RANBP2: variants seen among roughly 807,000 people sequenced by gnomAD.
RANBP2 encodes the protein RAN binding protein 2.
A neutral mutation model predicts 303.6 loss-of-function variants in RANBP2; 57 were observed. That is an observed-to-expected ratio of 0.19 (90% CI 0.15 to 0.23). The LOEUF is 0.23. Among genes scored for constraint, RANBP2 ranks in the 10% least tolerant of loss-of-function variants. The pLI, the probability that RANBP2 is intolerant of heterozygous loss-of-function variation, is 1.00. For synonymous variants in RANBP2, 1,167 were observed against 1,301.5 expected (o/e 0.90, Z 2.23); for missense variants, 3,138 against 3,780.8 (o/e 0.83, Z 4.46).
At chr2:109,714,416 C>T in the RANBP2 span, among the ~76,000 whole-genome samples, 6 of 151,990 alleles carry the variant, frequency 3.9e-5, no homozygotes, top group Admixed American at 6.6e-5. Flanking sequence ...ATTCTCCTGC[C>T]TTAGCCTCCT....
the RANBP2 span, among the ~76,000 whole-genome samples, chr2:109,548,866 A>G: frequency 6.6e-6 from 1 of 151,900 alleles, no homozygotes. Flanking sequence ...CCAGAGAGCT[A>G]AACTCTGGTC....
the RANBP2 span, chr2:108,846,772 G>A: frequency 7.0e-4 from 1,125 of 1,612,630 alleles, 1 homozygote; most frequent in Non-Finnish European, 9.0e-4. Context: ...AGGAGATTGG[G>A]TGAAGACATT....
the RANBP2 span, among the ~76,000 whole-genome samples, chr2:109,109,600 A>C: frequency 1.3e-5 from 2 of 152,236 alleles, no homozygotes; most frequent in African/African-American, 2.4e-5. Context: ...CAAATGCAAC[A>C]CAGTGCTGAT....
the RANBP2 span, among the ~76,000 whole-genome samples, chr2:109,566,489 C>A: frequency 1.3e-5 from 2 of 152,168 alleles, no homozygotes; most frequent in African/African-American, 4.8e-5. Context: ...GAGGAAATTA[C>A]ACATACACAC....
At chr2:109,097,702 G>T in the RANBP2 span, among the ~76,000 whole-genome samples, 1 of 150,040 alleles carries the variant, frequency 6.7e-6, no homozygotes, top group Admixed American at 6.6e-5. Context: ...CTTTGTCTTA[G>T]ATTTTAATAT....
At chr2:109,591,132 T>A in the RANBP2 span, among the ~76,000 whole-genome samples, 1 of 152,252 alleles carries the variant, frequency 6.6e-6, no homozygotes, top group Non-Finnish European at 1.5e-5. Context: ...CATGTAAGCA[T>A]GTTATCTTCA....
chr2:108,799,752 C>G, the RANBP2 span, among the ~76,000 whole-genome samples: 1 of 152,130 alleles, frequency 6.6e-6, no homozygotes, highest in African/African-American at 2.4e-5. Context: ...TCTTGGATCT[C>G]CAGTGACTCC....
At chr2:109,231,509 GAATA>G in the RANBP2 span, among the ~76,000 whole-genome samples, 1 of 152,112 alleles carries the variant, frequency 6.6e-6, no homozygotes, top group Admixed American at 6.6e-5. Flanking sequence ...CATCTATGAA[GAATA>G]AATATCGTGC....
intron 7 of RANBP2, among the ~76,000 whole-genome samples, chr2:108,742,752 G>T (rs1667806649): frequency 6.6e-6 from 1 of 152,050 alleles, no homozygotes; most frequent in Non-Finnish European, 1.5e-5. Context: ...ACATTAAAAG[G>T]TTCTTATAGA....
At chr2:108,724,055 G>A (rs1418428170) in intron 1 of RANBP2, among the ~76,000 whole-genome samples, 1 of 152,102 alleles carries the variant, frequency 6.6e-6, no homozygotes, top group African/African-American at 2.4e-5. Flanking sequence ...TTTTTTCTGA[G>A]TTAGACCCTT....
the RANBP2 span, among the ~76,000 whole-genome samples, chr2:108,936,234 G>A: frequency 2.0e-5 from 3 of 152,254 alleles, no homozygotes; most frequent in Admixed American, 6.5e-5. Flanking sequence ...GCCTTGGCAG[G>A]CCTGATGGTT....
At position 108,749,013 on chromosome 2, in the gene RANBP2, A is replaced by G. The variant is rs755717584; in HGVS notation, c.1157A>G (p.Tyr386Cys). ...FANKSGQSAL[Y>C]DALFSSQSPK... Reference sequence around the variant, plus strand: ...AACAAAAGCGGGCAGTCTGCATTATATGATGCTCTGTTTTCTAGTCAGTCA... The same window carrying G: ...AACAAAAGCGGGCAGTCTGCATTATGTGATGCTCTGTTTTCTAGTCAGTCA... Residue 386 changes from tyrosine to cysteine, a missense_variant, in exon 9 of 29, where the codon TAT becomes TGT. By Grantham distance (194) the Tyr-to-Cys change is radical. Coordinates refer to ENST00000283195, the MANE Select transcript of RANBP2 (RefSeq NM_006267.5). The G allele has an allele frequency of 4.3e-6, 7 of 1,611,868 alleles. No individual in the cohort carries two copies. In the African/African-American group the frequency reaches 5.3e-5, roughly 12 times the overall value.
chr2:109,478,479 T>C, the RANBP2 span, among the ~76,000 whole-genome samples: 1 of 152,258 alleles, frequency 6.6e-6, no homozygotes, highest in Non-Finnish European at 1.5e-5. Flanking sequence ...TATTCAGTTA[T>C]CTAGATGTCT....
At chr2:109,678,260 A>T in the RANBP2 span, among the ~76,000 whole-genome samples, 1 of 152,264 alleles carries the variant, frequency 6.6e-6, no homozygotes. Flanking sequence ...AATACGGAGG[A>T]TCCCCAATAT....
chr2:109,581,371 A>G, the RANBP2 span, among the ~76,000 whole-genome samples: 1 of 151,876 alleles, frequency 6.6e-6, no homozygotes, highest in Non-Finnish European at 1.5e-5. Flanking sequence ...CAGGAGGCGG[A>G]GGTTGCAGTG....
chr2:108,793,792 C>T, the RANBP2 span, among the ~76,000 whole-genome samples: 3 of 151,494 alleles, frequency 2.0e-5, no homozygotes, highest in African/African-American at 4.9e-5. Flanking sequence ...TTAGTAGAGA[C>T]GGGATTTCAC....
At chr2:108,985,618 G>C in the RANBP2 span, among the ~76,000 whole-genome samples, 1 of 152,206 alleles carries the variant, frequency 6.6e-6, no homozygotes, top group Non-Finnish European at 1.5e-5. Flanking sequence ...CAAGGAAGCA[G>C]GACCTCCAGC....
the RANBP2 span, among the ~76,000 whole-genome samples, chr2:109,491,766 G>A: frequency 1.3e-5 from 2 of 152,188 alleles, no homozygotes; most frequent in East Asian, 3.9e-4. Flanking sequence ...CCTACACATT[G>A]TAACATTGCT....
chr2:109,388,739 T>G, the RANBP2 span, among the ~76,000 whole-genome samples: 4 of 152,198 alleles, frequency 2.6e-5, no homozygotes, highest in Non-Finnish European at 5.9e-5. Flanking sequence ...TGAAGTAGGC[T>G]CTAATCCTCA....
Sources: allele counts gnomAD v4.1 joint callset (sites outside exome capture counted in the v4.1 genomes callset), GRCh38; gene constraint gnomAD v4.1.1; transcripts MANE v1.5; gene names NCBI Gene and HGNC (gene_info 2026-07-23, HGNC 2026-07-21).